Variants in PPM1E observed in about 807,000 individuals in gnomAD.
PPM1E encodes the protein protein phosphatase, Mg2+/Mn2+ dependent 1E.
A neutral mutation model predicts 65.9 loss-of-function variants in PPM1E; 20 were observed. The ratio of observed to expected loss-of-function variants is 0.30; its 90% confidence interval spans 0.21 to 0.44. PPM1E has a LOEUF of 0.44. Ranked by LOEUF, PPM1E falls within the 20% of genes least tolerant of loss-of-function variation. PPM1E has a pLI of 1.00. For synonymous variants in PPM1E, 352 were observed against 374.9 expected (o/e 0.94, Z 0.70); for missense variants, 713 against 953.1 (o/e 0.75, Z 3.32).
At chr17:58,871,941 C>T (rs2051075705) in intron 1 of PPM1E, among the ~76,000 whole-genome samples, 1 of 152,160 alleles carries the variant, frequency 6.6e-6, no homozygotes, top group East Asian at 1.9e-4. Context: ...GATTCATTTC[C>T]TCTTTTCAAA....
chr17:58,824,952 G>A (rs1181227475), intron 1 of PPM1E, among the ~76,000 whole-genome samples: 2 of 151,840 alleles, frequency 1.3e-5, no homozygotes, highest in Admixed American at 1.3e-4. Flanking sequence ...GTGGAGAGAA[G>A]CAATTCATTT....
Position 58,927,999 on chromosome 17 carries a change from G to T in PPM1E, c.465-27650G>T, listed in dbSNP as rs149247361. Among the ~76,000 whole-genome samples the T allele has an allele frequency of 5.8e-3, 878 of 152,048 alleles. 5 individuals carry two copies. The highest frequency in any genetic ancestry group is 9.4e-3 in the African/African-American group (391 of 41,454). Reference sequence around the variant, plus strand: ...CACTTGAACCTGGGAGGCAGAGGTTGCAGCGAGCCAGGATCACACCACTGC... The same window carrying T: ...CACTTGAACCTGGGAGGCAGAGGTTTCAGCGAGCCAGGATCACACCACTGC... On this transcript the variant is annotated intron_variant, in intron 1 of 6. Transcript: ENST00000308249.
intron 1 of PPM1E, among the ~76,000 whole-genome samples, chr17:58,809,264 T>C (rs776602431): frequency 2.0e-5 from 3 of 152,004 alleles, no homozygotes; most frequent in African/African-American, 7.2e-5. Context: ...TAAAAAAAAT[T>C]TTTTTAATGG....
intron 1 of PPM1E, among the ~76,000 whole-genome samples, chr17:58,822,757 A>G (rs1047183505): frequency 1.3e-5 from 2 of 152,094 alleles, no homozygotes; most frequent in Non-Finnish European, 2.9e-5. Flanking sequence ...TTCTGTGGGG[A>G]AATTCTAATT....
At chr17:58,825,263 CAA>C (rs1491111599) in intron 1 of PPM1E, among the ~76,000 whole-genome samples, 3,430 of 133,472 alleles carry the variant, frequency 0.026, 40 homozygotes, top group Middle Eastern at 0.039. Flanking sequence ...CACACACACA[CAA>C]AAATAAATAG....
In PPM1E at chr17:58,955,738, AG is replaced by A; in HGVS notation, c.556del (p.Glu186LysfsTer14). 6.2e-7 allele frequency: 1 copy of A among 1,611,656 alleles called. No individual in the cohort carries two copies. Among genetic ancestry groups the A allele is most frequent in the South Asian group, 1.1e-5 (1 of 90,026 alleles). Reference protein sequence around the residue: ...QSDLSAHYIPKETDGTEGTVE... With the variant: ...QSDLSAHYIPXETDGTEGTVE... The stretch of plus-strand genomic sequence containing the variant: ...GATCTTTCTGCACATTATATCCCAA[AG>A]GAAACGGATGGCACAGAAGGGACTG... On this transcript the variant is annotated frameshift_variant, in exon 2 of 7. Coordinates refer to ENST00000308249, the MANE Select transcript of PPM1E (RefSeq NM_014906.5). LOFTEE classifies it high-confidence loss of function.
intron 1 of PPM1E, among the ~76,000 whole-genome samples, chr17:58,917,833 CAA>C (rs1170012945): frequency 2.0e-5 from 3 of 152,010 alleles, no homozygotes; most frequent in Admixed American, 6.6e-5. Context: ...CAGATCTTTT[CAA>C]AGTCAAACTA....
intron 1 of PPM1E, among the ~76,000 whole-genome samples, chr17:58,805,972 AACAAAAAAAAAACAAAAC>A (rs1471097491): frequency 0.014 from 1,732 of 121,526 alleles, 46 homozygotes; most frequent in African/African-American, 0.019. Context: ...AAAAAAAAAA[AACAAAAAAAAAACAAAAC>A]AAAACAAAAC....
chr17:58,802,306 T>G lies in PPM1E; in HGVS notation c.464+45845T>G, dbSNP rs78411263. On this transcript the variant is annotated intron_variant, in intron 1 of 6. Transcript: ENST00000308249. The stretch of plus-strand genomic sequence containing the variant: ...AAGAAACTATCCTTTCCCTGTTGTA[T>G]CTTCTTGGTACCTTTGTTGAAGATT... 4.6e-5 allele frequency among the ~76,000 whole-genome samples: 7 copies of G among 152,332 alleles called. No individual in the cohort carries two copies. In the East Asian group the frequency reaches 1.3e-3, roughly 29 times the overall value.
At chr17:58,822,605 A>C (rs2050492391) in intron 1 of PPM1E, among the ~76,000 whole-genome samples, 1 of 152,190 alleles carries the variant, frequency 6.6e-6, no homozygotes, top group Admixed American at 6.6e-5. Context: ...TAACATTGCC[A>C]AACGTGTAGC....
At chr17:58,818,838 A>G (rs1041432378) in intron 1 of PPM1E, among the ~76,000 whole-genome samples, 2 of 152,188 alleles carry the variant, frequency 1.3e-5, no homozygotes, top group African/African-American at 4.8e-5. Context: ...TTAGTACTCA[A>G]CACGTATTTG....
chr17:58,839,597 G>T lies in PPM1E; in HGVS notation c.464+83136G>T, dbSNP rs146697295. On this transcript the variant is annotated intron_variant, in intron 1 of 6. Coordinates refer to ENST00000308249, the MANE Select transcript of PPM1E (RefSeq NM_014906.5). ...TAATAAATGCATTGTTGCTATACTT[G>T]TATACTAACATTGAACAATAAGAAA... 9.2e-5 allele frequency among the ~76,000 whole-genome samples: 14 copies of T among 152,276 alleles called. No individual in the cohort carries two copies. The East Asian group carries it at 2.7e-3, about 29-fold the overall frequency.
At chr17:58,953,697 T>A (rs1302115609) in intron 1 of PPM1E, among the ~76,000 whole-genome samples, 3 of 151,760 alleles carry the variant, frequency 2.0e-5, no homozygotes, top group Non-Finnish European at 4.4e-5. Context: ...GACTAGAATA[T>A]CCAGGTAACC....
intron 3 of PPM1E, 185 bp from the exon 4 acceptor site, chr17:58,969,354 C>A (rs1236756695): frequency 2.8e-6 from 2 of 707,218 alleles, no homozygotes; most frequent in Non-Finnish European, 2.6e-6. Context: ...AACACAGATA[C>A]CCTAATATTG....
intron 1 of PPM1E, among the ~76,000 whole-genome samples, chr17:58,864,253 CACG>C (rs2143314128): frequency 6.6e-6 from 1 of 152,174 alleles, no homozygotes; most frequent in East Asian, 1.9e-4. Flanking sequence ...TTCTTTTGTC[CACG>C]ACAAGTTCTA....
chr17:58,959,598 CA>C (rs199543161), intron 2 of PPM1E, among the ~76,000 whole-genome samples: 25,044 of 85,948 alleles, frequency 0.29, 2,048 homozygotes, highest in Non-Finnish European at 0.32. Context: ...GACTCTGTCT[CA>C]AAAAAAAAAA....
At chr17:58,968,014 G>A (rs913549833) in intron 3 of PPM1E, among the ~76,000 whole-genome samples, 1 of 152,044 alleles carries the variant, frequency 6.6e-6, no homozygotes, top group African/African-American at 2.4e-5. Context: ...ATGTTGGCCA[G>A]GATGGTCTTG....
chr17:58,907,676 A>G (rs1190464156), intron 1 of PPM1E, among the ~76,000 whole-genome samples: 1 of 152,214 alleles, frequency 6.6e-6, no homozygotes, highest in Non-Finnish European at 1.5e-5. Context: ...CACTCTTACT[A>G]GAAACACACA....
chr17:58,812,591 A>C (rs9807057), intron 1 of PPM1E, among the ~76,000 whole-genome samples: 96,735 of 151,952 alleles, frequency 0.64, 31,176 homozygotes, highest in African/African-American at 0.71. Flanking sequence ...AGATGGAGTC[A>C]TGCTCTGTCG....
Sources: allele counts gnomAD v4.1 joint callset (sites outside exome capture counted in the v4.1 genomes callset), GRCh38; gene constraint gnomAD v4.1.1; transcripts MANE v1.5; gene names NCBI Gene and HGNC (gene_info 2026-07-23, HGNC 2026-07-21).